SMC2: variants seen among roughly 807,000 people sequenced by gnomAD.
SMC2 encodes structural maintenance of chromosomes protein 2.
SMC2 carries 41 observed loss-of-function variants against 142.6 expected under a neutral mutation model. The ratio of observed to expected loss-of-function variants is 0.29; its 90% confidence interval spans 0.22 to 0.37. The LOEUF (loss-of-function observed/expected upper bound fraction) is 0.37, where lower values mean the gene tolerates loss of function less well. Among genes scored for constraint, SMC2 ranks in the 10% least tolerant of loss-of-function variants. The pLI is 1.00. For synonymous variants in SMC2, 463 were observed against 457.5 expected, an observed-to-expected ratio of 1.01 and a Z score of -0.15; for missense variants, 1,265 against 1,373.7, an observed-to-expected ratio of 0.92 and a Z score of 1.25.
At chr9:104,116,420 C>G in intron 14 of SMC2, 101 bp downstream of exon 14, 6 of 1,134,558 alleles carry the variant, frequency 5.3e-6, no homozygotes, top group Non-Finnish European at 7.2e-6. Flanking sequence ...TGCAGAACCA[C>G]AAAATTAAAA....
At chr9:104,089,922 A>G (rs1460420762), upstream of SMC2, among the ~76,000 whole-genome samples, 1 of 152,152 alleles carries the variant, frequency 6.6e-6, no homozygotes, top group East Asian at 1.9e-4. Context: ...CTGGGATTAC[A>G]GGCATGAGCC....
Position 104,126,757 on chromosome 9 carries a change from A to T in SMC2, c.2568A>T (p.Val856=). 1 of 1,608,672 alleles carries T rather than the reference A, an allele frequency of 6.2e-7. No individual in the cohort carries two copies. Among genetic ancestry groups the T allele is most frequent in the Non-Finnish European group, 8.5e-7 (1 of 1,178,694 alleles). ...AATCCTATGAAAGTCAGATTGAAGT[A>T]ATGGCAGCTGAGGTGGCTAAAAATA... The part of the protein sequence containing the change: ...AIKSYESQIE[V]MAAEVAKNKE... The change falls in exon 19 of 25, where the codon GTA becomes GTT. Residue 856 remains valine (V), a synonymous_variant. Coordinates refer to ENST00000374793, the MANE Select transcript of SMC2 (RefSeq NM_006444.3).
intron 1 of SMC2, chr9:104,094,879 AAAAG>A (rs1387876433): frequency 1.8e-4 from 25 of 140,156 alleles, no homozygotes; most frequent in African/African-American, 6.4e-4. Context: ...CCATGAAGGA[AAAAG>A]AAAGCCGAGT....
Position 104,095,367 on chromosome 9 carries a change from C to T in SMC2, c.-18C>T. On this transcript the variant is annotated 5_prime_UTR_variant, in exon 2 of 25. Coordinates refer to ENST00000374793, the MANE Select transcript of SMC2 (RefSeq NM_006444.3). ...TTGATTCCTGTCAGAGGTTTGCTGA[C>T]CCAAGACAGTATCGAAAATGCATAT... The T allele has an allele frequency of 6.2e-7, 1 of 1,608,844 alleles. No individual in the cohort carries two copies. The highest frequency in any genetic ancestry group is 8.5e-7 in the Non-Finnish European group (1 of 1,177,630).
rs556527070 is a variant in SMC2 at position 104,139,594 on chromosome 9, C to T, written c.*279C>T. 4 of 239,412 alleles carry T rather than the reference C, an allele frequency of 1.7e-5. No individual in the cohort carries two copies. The South Asian group carries it at 3.6e-4, about 21-fold the overall frequency. 14.8% of individuals were successfully genotyped at this position (239,412 alleles called of 1,614,324 possible). A position where few individuals can be genotyped will look rare whatever the true frequency, so the allele number is the denominator to read the frequency against. On this transcript the variant is annotated 3_prime_UTR_variant, in exon 25 of 25. Transcript: ENST00000374793. ...TATATATTAGGGATCCTGAGATACC[C>T]GATTCTATATGTAAAAGCTAATATA...
chr9:104,125,185 C>T (rs1253840898), intron 18 of SMC2, 80 bp downstream of exon 18: 1 of 1,007,060 alleles, frequency 9.9e-7, no homozygotes, highest in East Asian at 2.6e-5. Context: ...ATTGGTTGAC[C>T]TTATTCATCA....
chr9:104,130,140 TGAATAG>T (rs1255453885), intron 21 of SMC2, among the ~76,000 whole-genome samples: 1 of 152,222 alleles, frequency 6.6e-6, no homozygotes, highest in Non-Finnish European at 1.5e-5. Flanking sequence ...TGAAAAGCCT[TGAATAG>T]GATATACTTC....
intron 10 of SMC2, among the ~76,000 whole-genome samples, chr9:104,112,047 C>T (rs560987689): frequency 5.8e-4 from 89 of 152,276 alleles, no homozygotes; most frequent in Admixed American, 1.8e-3. Context: ...TATCTTAATT[C>T]GGTATGTAAG....
chr9:104,121,990 A>AG (rs1833792684), intron 16 of SMC2, among the ~76,000 whole-genome samples: 1 of 152,118 alleles, frequency 6.6e-6, no homozygotes. Context: ...CCTGGCCTCA[A>AG]GTGTTCTATC....
chr9:104,100,326 T>C (rs1830964620), intron 6 of SMC2, 63 bp from the exon 7 acceptor site: 1 of 1,457,198 alleles, frequency 6.9e-7, no homozygotes, highest in Non-Finnish European at 9.5e-7. Flanking sequence ...CTGCTACTTC[T>C]CTTTCAAATA....
At chr9:104,139,091 A>G in intron 24 of SMC2, 48 bp from the exon 25 acceptor site, 1 of 1,320,902 alleles carries the variant, frequency 7.6e-7, no homozygotes, top group South Asian at 1.5e-5. Context: ...AGTAAACTTC[A>G]AGTATATCAC....
intron 9 of SMC2, 23 bp downstream of exon 9, chr9:104,102,596 T>C (rs775484935): frequency 6.2e-7 from 1 of 1,606,622 alleles, no homozygotes. Context: ...AATGTGCCAC[T>C]AGTGCCACTT....
intron 3 of SMC2, among the ~76,000 whole-genome samples, chr9:104,098,125 GTAAC>G (rs1271218394): frequency 2.0e-5 from 3 of 152,190 alleles, no homozygotes; most frequent in Non-Finnish European, 2.9e-5. Flanking sequence ...CAGAAAGAAA[GTAAC>G]TAGGAAAGTG....
In SMC2 at chr9:104,140,472, T is replaced by C. The variant is rs1404587902; in HGVS notation, c.*1157T>C. ...TGTTATTTTGGCCCCACATCTCTTC[T>C]TGATTTTTTAGTCTTATTTCCTTAG... On this transcript the variant is annotated 3_prime_UTR_variant, in exon 25 of 25. Transcript: ENST00000374793. 1.3e-5 allele frequency: 2 copies of C among 152,426 alleles called. No individual in the cohort carries two copies. Among genetic ancestry groups the C allele is most frequent in the African/African-American group, 4.8e-5 (2 of 41,454 alleles). The allele number at this position is 152,426 out of a possible 1,614,324, so 9.4% of individuals were successfully genotyped here. A position where few individuals can be genotyped will look rare whatever the true frequency, so the allele number is the denominator to read the frequency against.
At chr9:104,095,934 A>G (rs1034127471) in intron 2 of SMC2, among the ~76,000 whole-genome samples, 1 of 152,238 alleles carries the variant, frequency 6.6e-6, no homozygotes, top group Non-Finnish European at 1.5e-5. Flanking sequence ...AAACAATTCA[A>G]TTCAGGGTTG....
At chr9:104,097,551 A>G (rs1830598881) in intron 3 of SMC2, among the ~76,000 whole-genome samples, 1 of 150,742 alleles carries the variant, frequency 6.6e-6, no homozygotes, top group South Asian at 2.1e-4. Flanking sequence ...GTTAGGACAG[A>G]ATCCTGTTCC....
In SMC2 at chr9:104,111,143, T is replaced by C. The variant is rs149600312; in HGVS notation, c.1021-438T>C. Reference sequence around the variant, plus strand: ...AAGGTGTTACATAATAGTAATACTTTTTCTGAAACTATTTAATGCTCAAAT... The same window carrying C: ...AAGGTGTTACATAATAGTAATACTTCTTCTGAAACTATTTAATGCTCAAAT... On this transcript the variant is annotated intron_variant, in intron 9 of 24. Coordinates refer to ENST00000374793, the MANE Select transcript of SMC2 (RefSeq NM_006444.3). Among the ~76,000 whole-genome samples the C allele has an allele frequency of 2.0e-3, 302 of 152,342 alleles. 2 individuals are homozygous for C. Among genetic ancestry groups the C allele is most frequent in the African/African-American group, 7.0e-3 (290 of 41,592 alleles).
chr9:104,112,269 A>T (rs1832546806), intron 10 of SMC2, among the ~76,000 whole-genome samples: 1 of 152,150 alleles, frequency 6.6e-6, no homozygotes. Flanking sequence ...ACATTTTTTT[A>T]GGAAGTATCT....
At chr9:104,129,015 A>C (rs1834625308) in intron 20 of SMC2, among the ~76,000 whole-genome samples, 1 of 152,174 alleles carries the variant, frequency 6.6e-6, no homozygotes, top group Non-Finnish European at 1.5e-5. Context: ...TAAATTCTGA[A>C]GGAGTTCTAC....
Sources: gnomAD v4.1 joint callset for allele counts (sites outside exome capture counted in the v4.1 genomes callset) on GRCh38, gnomAD v4.1.1 for gene constraint, MANE v1.5 for transcripts, NCBI Gene and HGNC (gene_info 2026-07-23, HGNC 2026-07-21) for gene names.